The following MRPS21 variants were observed in gnomAD, a reference collection of about 807,000 sequenced individuals.
The protein encoded by MRPS21 is small ribosomal subunit protein bS21m.
A neutral mutation model predicts 9.9 loss-of-function variants in MRPS21; 8 were observed. The observed-to-expected ratio is 0.81, with a 90% CI of 0.47 to 1.45. MRPS21 has a LOEUF of 1.45. MRPS21 is among the 40% of genes most tolerant of loss of function. MRPS21 has a pLI of 0.00. For synonymous variants in MRPS21, 40 were observed against 40.3 expected (o/e 0.99, Z 0.03); for missense variants, 101 against 118.9 (o/e 0.85, Z 0.70).
chr1:150,296,951 G>A (rs782139478), intron 2 of MRPS21, among the ~76,000 whole-genome samples: 1 of 152,162 alleles, frequency 6.6e-6, no homozygotes, highest in Non-Finnish European at 1.5e-5. Flanking sequence ...GCAAAGCAGA[G>A]AGTTCTAGGT....
intron 2 of MRPS21, among the ~76,000 whole-genome samples, chr1:150,305,901 A>C (rs1201474617): frequency 6.6e-6 from 1 of 152,198 alleles, no homozygotes; most frequent in Non-Finnish European, 1.5e-5. Context: ...AGCTTAGACT[A>C]GTAGTTCCAA....
chr1:150,294,836 T>G (rs1344290407), intron 2 of MRPS21, among the ~76,000 whole-genome samples: 1 of 145,502 alleles, frequency 6.9e-6, no homozygotes, highest in East Asian at 2.1e-4. Flanking sequence ...AGGCAGAGGT[T>G]GTAGTGAGCC....
chr1:150,302,367 G>C (rs975788765), intron 2 of MRPS21, among the ~76,000 whole-genome samples: 1 of 152,058 alleles, frequency 6.6e-6, no homozygotes, highest in African/African-American at 2.4e-5. Flanking sequence ...GGGGTTGCTA[G>C]GAAGCCCTGC....
Position 150,308,353 on chromosome 1 carries a change from G to A in MRPS21, c.*125G>A, listed in dbSNP as rs1654428891. ...AACTCAAATCACATGTCTGCAAGAA[G>A]GCCTCCAAATATAGAAACAATCCCA... On this transcript the variant is annotated 3_prime_UTR_variant, in exon 3 of 3. Coordinates refer to ENST00000614145, the MANE Select transcript of MRPS21 (RefSeq NM_031901.6). 2.1e-6 allele frequency: 2 copies of A among 969,024 alleles called. No homozygotes were observed. Among genetic ancestry groups the A allele is most frequent in the African/African-American group, 1.6e-5 (1 of 61,760 alleles). 60.0% of individuals were successfully genotyped at this position (969,024 alleles called of 1,614,324 possible). A position where few individuals can be genotyped will look rare whatever the true frequency, so the allele number is the denominator to read the frequency against.
At position 150,307,348 on chromosome 1, in the gene MRPS21, C is replaced by CTTTTTTTTTTTT. The variant is rs1572154026; in HGVS notation, c.84-689_84-678dup. ...CAGGCATGAGTCACTGTGCCCAGTC[C>CTTTTTTTTTTTT]TTTTTTTTTTTTTTTTTTTTTTCCT... On this transcript the variant is annotated intron_variant, in intron 2 of 2. Coordinates refer to ENST00000614145, the MANE Select transcript of MRPS21 (RefSeq NM_031901.6). Among the ~76,000 whole-genome samples, 3 of 87,552 alleles carry CTTTTTTTTTTTT rather than the reference C, an allele frequency of 3.4e-5. 1 individual carries two copies. The highest frequency in any genetic ancestry group is 4.4e-5 in the Non-Finnish European group (2 of 45,770). The allele number at this position is 87,552 out of a possible 152,430, so 57.4% of individuals were successfully genotyped here.
chr1:150,296,194 C>T (rs587687636), intron 2 of MRPS21, among the ~76,000 whole-genome samples: 2 of 152,232 alleles, frequency 1.3e-5, no homozygotes, highest in South Asian at 2.1e-4. Flanking sequence ...GTGATCCACC[C>T]GCCTTGGCCT....
intron 1 of MRPS21, 99 bp downstream of exon 1, chr1:150,293,997 C>T (rs1232586923): frequency 1.2e-5 from 3 of 250,224 alleles, no homozygotes; most frequent in Non-Finnish European, 2.5e-5. Context: ...ACAAAGAGTC[C>T]TTCCCCAACT....
intron 2 of MRPS21, among the ~76,000 whole-genome samples, chr1:150,296,974 A>G (rs929076169): frequency 6.6e-6 from 1 of 152,194 alleles, no homozygotes; most frequent in African/African-American, 2.4e-5. Flanking sequence ...GGAAGGCTGG[A>G]TGGCAGAAGA....
At chr1:150,298,880 G>A (rs1654009582) in intron 2 of MRPS21, among the ~76,000 whole-genome samples, 1 of 152,132 alleles carries the variant, frequency 6.6e-6, no homozygotes, top group Admixed American at 6.6e-5. Context: ...GATTACAGGC[G>A]TGAGCCACCA....
Position 150,294,548 on chromosome 1 carries a change from A to G in MRPS21, c.83+99A>G, listed in dbSNP as rs1354830791. On this transcript the variant is annotated intron_variant, in intron 2 of 2. Coordinates refer to ENST00000614145, the MANE Select transcript of MRPS21 (RefSeq NM_031901.6). Reference sequence around the variant, plus strand: ...CGTTGATTGTTCTCAAAACAGTGCCAGCCCAGGTGTTCACAGTCTCTTAAA... The same window carrying G: ...CGTTGATTGTTCTCAAAACAGTGCCGGCCCAGGTGTTCACAGTCTCTTAAA... 12 of 1,009,048 alleles carry G rather than the reference A, an allele frequency of 1.2e-5. No individual in the cohort carries two copies. In the African/African-American group the frequency reaches 1.6e-4, roughly 13 times the overall value. The allele number at this position is 1,009,048 out of a possible 1,614,324, so 62.5% of individuals were successfully genotyped here.
intron 2 of MRPS21, among the ~76,000 whole-genome samples, chr1:150,307,067 CAA>C (rs1188527831): frequency 7.6e-6 from 1 of 130,860 alleles, no homozygotes; most frequent in African/African-American, 2.8e-5. Flanking sequence ...TTTTTTGAGA[CAA>C]GAGTCTCACT....
intron 2 of MRPS21, among the ~76,000 whole-genome samples, chr1:150,299,089 G>A (rs188038494): frequency 1.1e-4 from 17 of 152,304 alleles, no homozygotes; most frequent in Admixed American, 9.1e-4. Context: ...GGTGGCACAG[G>A]TCTGTAATCC....
At position 150,294,344 on chromosome 1, in the gene MRPS21, A is replaced by C. The variant is rs1294335283; in HGVS notation, c.-23A>C. ...CTCCATCATCCTTTAGGCTCTACAG[A>C]GTGAAGGTTTAAATCCAAGGTCATG... is the stretch of plus-strand genomic sequence containing the variant. On this transcript the variant is annotated 5_prime_UTR_variant, in exon 2 of 3. Transcript: ENST00000614145. The C allele has an allele frequency of 1.9e-6, 3 of 1,597,752 alleles. No homozygotes were observed. In the South Asian group the frequency reaches 3.3e-5, roughly 18 times the overall value.
At chr1:150,303,423 C>A (rs587651061) in intron 2 of MRPS21, among the ~76,000 whole-genome samples, 1 of 152,268 alleles carries the variant, frequency 6.6e-6, no homozygotes, top group East Asian at 1.9e-4. Context: ...ATGTTTAGAT[C>A]ATTCTTTTAT....
intron 2 of MRPS21, among the ~76,000 whole-genome samples, chr1:150,297,975 C>T (rs1300506742): frequency 4.0e-5 from 6 of 151,884 alleles, no homozygotes; most frequent in Non-Finnish European, 8.8e-5. Context: ...CTCTTATTGC[C>T]CAAGCTGGAG....
At chr1:150,295,977 G>A (rs1272970375) in intron 2 of MRPS21, among the ~76,000 whole-genome samples, 3 of 146,382 alleles carry the variant, frequency 2.0e-5, no homozygotes, top group African/African-American at 7.6e-5. Flanking sequence ...TTTTAAAACG[G>A]AGTCTTGCTC....
chr1:150,294,504 A>G (rs1257437776), intron 2 of MRPS21, 55 bp downstream of exon 2: 2 of 1,426,980 alleles, frequency 1.4e-6, no homozygotes, highest in Non-Finnish European at 2.0e-6. Flanking sequence ...TGCGGTGGTT[A>G]TTCTCTCCCT....
intron 2 of MRPS21, among the ~76,000 whole-genome samples, chr1:150,294,917 C>T (rs1407619289): frequency 7.8e-6 from 1 of 127,620 alleles, no homozygotes; most frequent in Non-Finnish European, 1.7e-5. Flanking sequence ...AAAAAAAGTT[C>T]TTCCTCAAAC....
At chr1:150,297,949 T>TC (rs1289121633) in intron 2 of MRPS21, among the ~76,000 whole-genome samples, 2 of 151,836 alleles carry the variant, frequency 1.3e-5, no homozygotes, top group African/African-American at 4.8e-5. Context: ...TTTTTTTTTT[T>TC]TGAGACAGAG....
Sources: gnomAD v4.1 joint callset for allele counts (sites outside exome capture counted in the v4.1 genomes callset) on GRCh38, gnomAD v4.1.1 for gene constraint, MANE v1.5 for transcripts, NCBI Gene and HGNC (gene_info 2026-07-23, HGNC 2026-07-21) for gene names.